Variants in ZNF558 observed in about 807,000 individuals in gnomAD.
The protein encoded by ZNF558 is zinc finger protein 558.
ZNF558 carries 23 observed loss-of-function variants against 37.6 expected under a neutral mutation model. That is an observed-to-expected ratio of 0.61 (90% CI 0.44 to 0.87). The LOEUF (loss-of-function observed/expected upper bound fraction) is 0.87. ZNF558 is among the 40% of genes least tolerant of loss of function. The pLI is 0.00. For synonymous variants in ZNF558, 189 were observed against 174.4 expected, an observed-to-expected ratio of 1.08 and a Z score of -0.66; for missense variants, 429 against 483.7, an observed-to-expected ratio of 0.89 and a Z score of 1.06.
intron 2 of ZNF558, among the ~76,000 whole-genome samples, chr19:8,827,781 C>T (rs1216748577): frequency 1.3e-5 from 2 of 151,994 alleles, no homozygotes; most frequent in Non-Finnish European, 2.9e-5. Context: ...ACCATGTTGG[C>T]CAGGCTGGTC....
intron 7 of ZNF558, among the ~76,000 whole-genome samples, chr19:8,817,859 G>A (rs1023759760): frequency 1.3e-5 from 2 of 152,116 alleles, no homozygotes. Flanking sequence ...CATAATTGAA[G>A]GAAGATATAG....
At chr19:8,819,891 A>C (rs1422831564) in intron 7 of ZNF558, among the ~76,000 whole-genome samples, 1 of 152,214 alleles carries the variant, frequency 6.6e-6, no homozygotes, top group Non-Finnish European at 1.5e-5. Context: ...CAGTGAGCCG[A>C]GATCGTGCTG....
intron 7 of ZNF558, among the ~76,000 whole-genome samples, chr19:8,819,616 G>A (rs1326820083): frequency 1.3e-5 from 2 of 152,056 alleles, no homozygotes; most frequent in Admixed American, 6.5e-5. Context: ...TTTAAAATCC[G>A]ACAACAAAAA....
At chr19:8,812,460 G>T in intron 9 of ZNF558, 101 bp downstream of exon 9, 1 of 708,782 alleles carries the variant, frequency 1.4e-6, no homozygotes, top group Non-Finnish European at 2.2e-6. Flanking sequence ...AATTATAAAT[G>T]ACACTTTCCT....
In ZNF558 at chr19:8,806,497, G is replaced by C. The variant is rs1406277348; in HGVS notation, c.*4784C>G. On this transcript the variant is annotated 3_prime_UTR_variant, in exon 10 of 10. Coordinates refer to ENST00000601372, the MANE Select transcript of ZNF558 (RefSeq NM_144693.3). ...GCAAATCATGTGAGGTCAAAGGATC[G>C]AGACCATCCTGGCCAACATGGTGAA... is the stretch of plus-strand genomic sequence containing the variant. 1.3e-5 allele frequency: 2 copies of C among 152,146 alleles called. No individual in the cohort carries two copies. The highest frequency in any genetic ancestry group is 4.8e-5 in the African/African-American group (2 of 41,414). 9.4% of individuals were successfully genotyped at this position (152,146 alleles called of 1,614,324 possible). A position where few individuals can be genotyped will look rare whatever the true frequency, so the allele number is the denominator to read the frequency against.
At chr19:8,814,850 C>G (rs1330146018) in intron 7 of ZNF558, among the ~76,000 whole-genome samples, 1 of 152,138 alleles carries the variant, frequency 6.6e-6, no homozygotes, top group Non-Finnish European at 1.5e-5. Flanking sequence ...AAAGTTAGTT[C>G]TGAAATAGAA....
Position 8,822,221 on chromosome 19 carries a change from G to T in ZNF558, c.32-130C>A. 1 of 1,078,356 alleles carries T rather than the reference G, an allele frequency of 9.3e-7. No homozygotes were observed. Among genetic ancestry groups the T allele is most frequent in the South Asian group, 1.5e-5 (1 of 64,802 alleles). The allele number at this position is 1,078,356 out of a possible 1,614,324, so 66.8% of individuals were successfully genotyped here. A position where few individuals can be genotyped will look rare whatever the true frequency, so the allele number is the denominator to read the frequency against. ...CACACAGTGCCCACCTACGCTCCAT[G>T]CAAACACCTACCCACAGCTCTCCTA... On this transcript the variant is annotated intron_variant, in intron 5 of 9. Coordinates refer to ENST00000601372, the MANE Select transcript of ZNF558 (RefSeq NM_144693.3). The surrounding 1 kb of genome is among the most constrained non-coding windows in gnomAD (Gnocchi z 4.4).
chr19:8,814,737 G>A (rs782201611), intron 7 of ZNF558, among the ~76,000 whole-genome samples: 1 of 152,150 alleles, frequency 6.6e-6, no homozygotes, highest in Non-Finnish European at 1.5e-5. Context: ...AAAGAGACTA[G>A]AAGTTTTTTC....
intron 6 of ZNF558, 91 bp from the exon 7 acceptor site, chr19:8,821,397 G>A: frequency 6.2e-7 from 1 of 1,612,212 alleles, no homozygotes; most frequent in Non-Finnish European, 8.5e-7. Flanking sequence ...CCAGGGCTGG[G>A]GAAACCTGAG....
intron 7 of ZNF558, among the ~76,000 whole-genome samples, chr19:8,816,039 T>G (rs375655986): frequency 7.3e-6 from 1 of 136,588 alleles, no homozygotes; most frequent in South Asian, 2.7e-4. Context: ...TTTGAAAAAA[T>G]AGAGATTCAT....
intron 7 of ZNF558, among the ~76,000 whole-genome samples, chr19:8,813,906 G>A (rs548912597): frequency 6.6e-6 from 1 of 152,306 alleles, no homozygotes; most frequent in African/African-American, 2.4e-5. Context: ...GGGACCATAT[G>A]GTCCCATTCA....
rs2043733078 is a variant in ZNF558, at chr19:8,809,423, T to C, written c.*1858A>G. ...ACTTTCGATATTGTTCACAGACAAC[T>C]TGAACAACATGTTTGTTTCTTTAAA... On this transcript the variant is annotated 3_prime_UTR_variant, in exon 10 of 10. Coordinates refer to ENST00000601372, the MANE Select transcript of ZNF558 (RefSeq NM_144693.3). The C allele has an allele frequency of 6.6e-6, 1 of 152,172 alleles. No homozygotes were observed. The highest frequency in any genetic ancestry group is 2.1e-4 in the South Asian group (1 of 4,826). 9.4% of individuals were successfully genotyped at this position (152,172 alleles called of 1,614,324 possible). A position where few individuals can be genotyped will look rare whatever the true frequency, so the allele number is the denominator to read the frequency against.
Position 8,821,303 on chromosome 19 carries a change from A to G in ZNF558, c.124T>C (p.Leu42=). The G allele has an allele frequency of 6.2e-7, 1 of 1,614,202 alleles. No homozygotes were observed. Among genetic ancestry groups the G allele is most frequent in the Middle Eastern group, 1.6e-4 (1 of 6,062 alleles). The part of the protein sequence containing the change: ...NELLTSWLRG[L]VTFEDVAVEF... ...ACGGCCACATCCTCGAAGGTTACCA[A>G]GCCCTAAAGCATTGCAAACATCACG... The change falls in exon 7 of 10, where the codon TTG becomes CTG. Residue 42 remains leucine, a synonymous_variant. Coordinates refer to ENST00000601372, the MANE Select transcript of ZNF558 (RefSeq NM_144693.3).
intron 2 of ZNF558, among the ~76,000 whole-genome samples, chr19:8,826,085 T>C (rs1343355102): frequency 6.6e-6 from 1 of 151,986 alleles, no homozygotes; most frequent in African/African-American, 2.4e-5. Context: ...CTGGTGTTGA[T>C]GATGGAGGAA....
Position 8,817,536 on chromosome 19 carries a change from CTT to C in ZNF558, c.247+3642_247+3643del, listed in dbSNP as rs34508939. Among the ~76,000 whole-genome samples, 63 of 148,564 alleles carry C rather than the reference CTT, an allele frequency of 4.2e-4. No homozygotes were observed. In the Middle Eastern group the frequency reaches 0.014, roughly 33 times the overall value. ...TTAGGTGAATTAAATGCATTTTTGA[CTT>C]TTTTTTTTTTCATTGTTTTGCATTT... On this transcript the variant is annotated intron_variant, in intron 7 of 9. Transcript: ENST00000601372.
intron 7 of ZNF558, among the ~76,000 whole-genome samples, chr19:8,817,804 A>G (rs963733659): frequency 9.9e-5 from 15 of 152,242 alleles, no homozygotes; most frequent in African/African-American, 3.6e-4. Flanking sequence ...TTATAAACAT[A>G]TATGTGCCTA....
chr19:8,813,367 T>TA (rs2043846982), intron 7 of ZNF558, 145 bp from the exon 8 acceptor site: 1 of 654,534 alleles, frequency 1.5e-6, no homozygotes, highest in Non-Finnish European at 2.6e-6. Context: ...TTCTTTTTTT[T>TA]ATTTATTTTG....
Position 8,811,272 on chromosome 19 carries a change from T to C in ZNF558, c.*9A>G, listed in dbSNP as rs1332665621. ...ATGAGTGCTTTCCTCCAGAAGTTCC[T>C]GCAGTAATTCATATCCATCTATTAT... On this transcript the variant is annotated 3_prime_UTR_variant, in exon 10 of 10. Transcript: ENST00000601372. 6.5e-7 allele frequency: 1 copy of C among 1,543,344 alleles called. No individual in the cohort carries two copies. Among genetic ancestry groups the C allele is most frequent in the Admixed American group, 2.1e-5 (1 of 48,668 alleles).
intron 4 of ZNF558, among the ~76,000 whole-genome samples, chr19:8,823,315 C>T (rs765925398): frequency 1.3e-5 from 2 of 151,688 alleles, no homozygotes; most frequent in South Asian, 2.1e-4. Context: ...GCATGTCCTC[C>T]GACCACACGC....
Sources: allele counts gnomAD v4.1 joint callset (sites outside exome capture counted in the v4.1 genomes callset), GRCh38; gene constraint gnomAD v4.1.1; non-coding constraint Gnocchi (gnomAD v3.1); transcripts MANE v1.5; gene names NCBI Gene and HGNC (gene_info 2026-07-23, HGNC 2026-07-21).